Variants in BLTP1 observed in about 807,000 individuals in gnomAD.
BLTP1 encodes bridge-like lipid transfer protein family member 1.
the BLTP1 span, chr4:122,318,243 TA>T: frequency 1.9e-6 from 3 of 1,610,892 alleles, no homozygotes; most frequent in African/African-American, 1.3e-5. Flanking sequence ...GAGATGTTCG[TA>T]AAAAATTACG....
At chr4:122,261,248 TTA>T in the BLTP1 span, 1 of 976,188 alleles carries the variant, frequency 1.0e-6, no homozygotes, top group Non-Finnish European at 1.2e-6. Flanking sequence ...TTGGGACACT[TTA>T]ATCTGTCTTA....
At chr4:122,243,468 T>A in the BLTP1 span, 2 of 983,336 alleles carry the variant, frequency 2.0e-6, no homozygotes, top group African/African-American at 3.5e-5. Context: ...AGGCCAGGCA[T>A]GGTGGTTCAC....
At chr4:122,204,800 A>G in the BLTP1 span, 1 of 739,056 alleles carries the variant, frequency 1.4e-6, no homozygotes, top group Non-Finnish European at 1.7e-6. Context: ...GCAGGGATAG[A>G]GTCAGCCTAG....
chr4:122,203,853 G>T, the BLTP1 span: 1 of 509,926 alleles, frequency 2.0e-6, no homozygotes, highest in Non-Finnish European at 2.5e-6. Flanking sequence ...AGTTGTTAAA[G>T]AATAAAATAA....
At chr4:122,317,849 A>G in the BLTP1 span, among the ~76,000 whole-genome samples, 2 of 152,198 alleles carry the variant, frequency 1.3e-5, no homozygotes, top group African/African-American at 4.8e-5. Context: ...CTTATATTAT[A>G]TGTAGAATTT....
the BLTP1 span, among the ~76,000 whole-genome samples, chr4:122,188,620 T>C: frequency 6.6e-6 from 1 of 151,110 alleles, no homozygotes; most frequent in African/African-American, 2.4e-5. Context: ...TTTTTTTTTT[T>C]CCTTCAGTGA....
the BLTP1 span, chr4:122,180,055 C>T: frequency 8.2e-6 from 8 of 976,978 alleles, no homozygotes; most frequent in African/African-American, 3.5e-5. Flanking sequence ...TACACACACA[C>T]ACACACACAC....
the BLTP1 span, chr4:122,298,178 AT>A: frequency 1.3e-6 from 1 of 771,482 alleles, no homozygotes; most frequent in Non-Finnish European, 1.6e-6. Context: ...AATACTATTT[AT>A]TATTTAATTG....
the BLTP1 span, chr4:122,237,218 G>A: frequency 8.1e-6 from 8 of 985,304 alleles, no homozygotes; most frequent in South Asian, 3.8e-4. Context: ...AGGGATGGTA[G>A]GAGGAGGGGG....
chr4:122,276,235 T>A, the BLTP1 span: 1 of 417,342 alleles, frequency 2.4e-6, no homozygotes. Context: ...TTGTCTGTTG[T>A]TGTTGACAAG....
chr4:122,208,340 C>A, the BLTP1 span: 1 of 929,708 alleles, frequency 1.1e-6, no homozygotes, highest in Non-Finnish European at 1.3e-6. Flanking sequence ...TAGCTTAGGG[C>A]TCCATTCTTT....
the BLTP1 span, chr4:122,333,608 A>G: frequency 1.9e-6 from 3 of 1,558,464 alleles, no homozygotes; most frequent in South Asian, 1.2e-5. Flanking sequence ...TAAAAAGATA[A>G]GAACATTTTT....
chr4:122,268,188 TAAAAA>T, the BLTP1 span, among the ~76,000 whole-genome samples: 1 of 151,846 alleles, frequency 6.6e-6, no homozygotes, highest in East Asian at 1.9e-4. Flanking sequence ...TATAGGGAAA[TAAAAA>T]AAAGTAAAAC....
At chr4:122,236,970 G>C in the BLTP1 span, 18 of 985,216 alleles carry the variant, frequency 1.8e-5, no homozygotes, top group Non-Finnish European at 2.0e-5. Flanking sequence ...GGGCATATGG[G>C]TAGAATTAAG....
At chr4:122,251,572 C>CA in the BLTP1 span, 5 of 984,394 alleles carry the variant, frequency 5.1e-6, no homozygotes, top group Admixed American at 3.1e-4. Flanking sequence ...AATAGCTACT[C>CA]ACTGGACAAA....
the BLTP1 span, chr4:122,170,499 A>G: frequency 3.0e-6 from 4 of 1,318,320 alleles, no homozygotes; most frequent in East Asian, 1.2e-4. Context: ...ATTGAAGGAA[A>G]CAGAAAGGTG....
At chr4:122,272,171 C>T in the BLTP1 span, 1 of 1,612,328 alleles carries the variant, frequency 6.2e-7, no homozygotes, top group Non-Finnish European at 8.5e-7. Flanking sequence ...AGTTCGGAGC[C>T]CTACAGAGCC....
the BLTP1 span, chr4:122,240,306 G>A: frequency 6.2e-7 from 1 of 1,614,076 alleles, no homozygotes; most frequent in East Asian, 2.2e-5. Context: ...ACCAACCAGT[G>A]AAGAAAGTTC....
At chr4:122,323,885 T>C in the BLTP1 span, among the ~76,000 whole-genome samples, 1 of 152,022 alleles carries the variant, frequency 6.6e-6, no homozygotes. Flanking sequence ...CCATTATCCA[T>C]CTTAGACTCC....
Sources: gnomAD v4.1 joint callset for allele counts (sites outside exome capture counted in the v4.1 genomes callset) on GRCh38, gnomAD v4.1.1 for gene constraint, MANE v1.5 for transcripts, NCBI Gene and HGNC (gene_info 2026-07-23, HGNC 2026-07-21) for gene names.